Variants in CCDC12 observed in about 807,000 individuals in gnomAD.
CCDC12 encodes the protein coiled-coil domain containing 12, also known as coiled-coil domain-containing protein 12.
CCDC12 carries 28 observed loss-of-function variants against 25.7 expected under a neutral mutation model. The ratio of observed to expected loss-of-function variants is 1.09; its 90% CI spans 0.81 to 1.50. The LOEUF is 1.50. Ranked by LOEUF, CCDC12 falls within the 40% of genes most tolerant of loss-of-function variation. The pLI, the probability that CCDC12 is intolerant of heterozygous loss-of-function variation, is 0.00. For missense variants in CCDC12, 198 were observed against 210.0 expected (o/e 0.94, Z 0.35); for synonymous variants, 75 against 87.7 (o/e 0.86, Z 0.81).
intron 1 of CCDC12, among the ~76,000 whole-genome samples, chr3:46,965,043 A>C (rs1338306000): frequency 2.0e-5 from 3 of 152,142 alleles, no homozygotes; most frequent in Admixed American, 2.0e-4. Flanking sequence ...AAAGTCCTCC[A>C]AAGAGAAGAT....
upstream of CCDC12, among the ~76,000 whole-genome samples, chr3:46,980,929 T>TG (rs2035286694): frequency 6.6e-6 from 1 of 152,036 alleles, no homozygotes; most frequent in African/African-American, 2.4e-5. Flanking sequence ...AGTTTGTCAG[T>TG]GGGGGGAATT....
chr3:46,941,202 C>G (rs941675598), intron 1 of CCDC12, 137 bp from the exon 2 acceptor site: 6 of 764,624 alleles, frequency 7.8e-6, no homozygotes, highest in Non-Finnish European at 1.2e-5. Context: ...CAGACTCCAA[C>G]AGGGTACACG....
intron 1 of CCDC12, among the ~76,000 whole-genome samples, chr3:46,948,757 C>T (rs965469448): frequency 1.3e-5 from 2 of 152,360 alleles, no homozygotes; most frequent in Admixed American, 6.5e-5. Context: ...TGCAGCTCCT[C>T]GCCAGGCCCG....
At chr3:46,923,563 A>G (rs1575533859) in intron 4 of CCDC12, 44 bp downstream of exon 4, 3 of 1,584,622 alleles carry the variant, frequency 1.9e-6, no homozygotes, top group East Asian at 4.5e-5. Flanking sequence ...GAGAAACAGG[A>G]CACACAGAAG....
intron 1 of CCDC12, among the ~76,000 whole-genome samples, chr3:46,948,501 G>A (rs552404691): frequency 1.3e-5 from 2 of 152,340 alleles, no homozygotes; most frequent in African/African-American, 4.8e-5. Context: ...ACTCACTGGG[G>A]GAAGGAAGGC....
intron 1 of CCDC12, chr3:46,976,365 C>T (rs770079001): frequency 9.5e-6 from 13 of 1,370,244 alleles, no homozygotes; most frequent in Non-Finnish European, 1.2e-5. Flanking sequence ...GAGCAACACC[C>T]GGGAAGCAGG....
intron 2 of CCDC12, among the ~76,000 whole-genome samples, chr3:46,926,941 T>A (rs898523265): frequency 2.0e-5 from 3 of 151,874 alleles, no homozygotes; most frequent in African/African-American, 7.3e-5. Flanking sequence ...AAAAGCAAGC[T>A]TTCCCAGAGG....
chr3:46,959,995 G>A (rs537915957), intron 1 of CCDC12, among the ~76,000 whole-genome samples: 10 of 152,204 alleles, frequency 6.6e-5, no homozygotes, highest in South Asian at 4.2e-4. Flanking sequence ...TATGTATATC[G>A]ATACTGGGTT....
At chr3:46,933,889 T>TA (rs567727484) in intron 2 of CCDC12, among the ~76,000 whole-genome samples, 6 of 151,672 alleles carry the variant, frequency 4.0e-5, no homozygotes, top group South Asian at 2.1e-4. Flanking sequence ...TTTTCTACAA[T>TA]AAAAAAATCT....
At chr3:46,975,578 T>G (rs1445359748) in intron 1 of CCDC12, among the ~76,000 whole-genome samples, 3 of 137,026 alleles carry the variant, frequency 2.2e-5, no homozygotes, top group African/African-American at 7.9e-5. Context: ...TCGCCCAGGC[T>G]GGAGTGCAGT....
intron 1 of CCDC12, among the ~76,000 whole-genome samples, chr3:46,957,454 C>T (rs371013339): frequency 1.4e-4 from 21 of 151,874 alleles, no homozygotes; most frequent in African/African-American, 4.6e-4. Flanking sequence ...GTAAGTGGCT[C>T]GATTTCTAAA....
At chr3:46,950,281 A>T (rs191056192) in intron 1 of CCDC12, among the ~76,000 whole-genome samples, 1 of 146,954 alleles carries the variant, frequency 6.8e-6, no homozygotes, top group South Asian at 2.2e-4. Flanking sequence ...TATTAGTATT[A>T]GACCAACCAG....
chr3:46,973,331 C>A (rs1378898283), intron 1 of CCDC12, among the ~76,000 whole-genome samples: 2 of 127,238 alleles, frequency 1.6e-5, no homozygotes, highest in Non-Finnish European at 3.2e-5. Context: ...CCAGCCTGGG[C>A]AACAAGAGCG....
intron 1 of CCDC12, among the ~76,000 whole-genome samples, chr3:46,949,940 C>G (rs552962012): frequency 1.4e-3 from 216 of 151,062 alleles, no homozygotes; most frequent in Non-Finnish European, 1.8e-3. Flanking sequence ...GGCAGGAGAA[C>G]TGCTCGAACC....
At chr3:46,929,511 C>A (rs1199234093) in intron 2 of CCDC12, among the ~76,000 whole-genome samples, 7 of 152,144 alleles carry the variant, frequency 4.6e-5, no homozygotes, top group African/African-American at 1.7e-4. Context: ...ACCTTGTCAG[C>A]TGGCCAGGAA....
intron 1 of CCDC12, among the ~76,000 whole-genome samples, chr3:46,951,002 A>G (rs2034095256): frequency 6.6e-6 from 1 of 152,152 alleles, no homozygotes; most frequent in African/African-American, 2.4e-5. Flanking sequence ...GCATTTCGGG[A>G]GGCCGAGGCG....
chr3:46,976,863 G>A, upstream of CCDC12: 1 of 1,439,550 alleles, frequency 6.9e-7, no homozygotes, highest in Non-Finnish European at 9.2e-7. Context: ...AATCAATGCG[G>A]GGTTATTATG....
intron 1 of CCDC12, among the ~76,000 whole-genome samples, chr3:46,945,850 T>C (rs957536005): frequency 9.2e-5 from 14 of 152,238 alleles, no homozygotes; most frequent in Non-Finnish European, 4.4e-5. Context: ...TGTTCACTGA[T>C]ATTGATAATT....
chr3:46,975,066 G>A (rs1481953793), intron 1 of CCDC12, among the ~76,000 whole-genome samples: 1 of 152,154 alleles, frequency 6.6e-6, no homozygotes, highest in Non-Finnish European at 1.5e-5. Context: ...GATGAACAAA[G>A]TAGAAATGGA....
Sources: gnomAD v4.1 joint callset for allele counts (sites outside exome capture counted in the v4.1 genomes callset) on GRCh38, gnomAD v4.1.1 for gene constraint, MANE v1.5 for transcripts, NCBI Gene and HGNC (gene_info 2026-07-23, HGNC 2026-07-21) for gene names.